The following BMP7 variants were observed in gnomAD, a reference collection of about 807,000 sequenced individuals.
BMP7 encodes osteogenic protein 1.
A neutral mutation model predicts 41.2 loss-of-function variants in BMP7; 12 were observed. The ratio of observed to expected loss-of-function variants is 0.29; its 90% CI spans 0.19 to 0.47. The LOEUF (loss-of-function observed/expected upper bound fraction) is 0.47. Among genes scored for constraint, BMP7 ranks in the 20% least tolerant of loss-of-function variants. The pLI, the probability that BMP7 is intolerant of heterozygous loss-of-function variation, is 0.99. For missense variants in BMP7, 467 were observed against 606.0 expected (o/e 0.77, Z 2.41); for synonymous variants, 248 against 250.0 (o/e 0.99, Z 0.07).
At position 57,266,203 on chromosome 20, in the gene BMP7, C is replaced by T; in HGVS notation, c.-81G>A. ...GTGGCAGAGGGGGCAGGCGGCCGTCCGCGCCGCTCGGTCACTTGCTGCAGA... is the reference window on the plus strand; with the variant it reads ...GTGGCAGAGGGGGCAGGCGGCCGTCTGCGCCGCTCGGTCACTTGCTGCAGA... On this transcript the variant is annotated 5_prime_UTR_variant, in exon 1 of 7. Transcript: ENST00000395863. 7.4e-7 allele frequency: 1 copy of T among 1,345,146 alleles called. No homozygotes were observed. The highest frequency in any genetic ancestry group is 9.6e-7 in the Non-Finnish European group (1 of 1,046,070). 83.3% of individuals were successfully genotyped at this position (1,345,146 alleles called of 1,614,324 possible).
intron 1 of BMP7, among the ~76,000 whole-genome samples, chr20:57,250,700 T>G (rs993474895): frequency 6.6e-6 from 1 of 152,022 alleles, no homozygotes; most frequent in Non-Finnish European, 1.5e-5. Context: ...TTTTTTGGAG[T>G]AGGCCAGCCC....
At chr20:57,248,956 G>A (rs923894693) in intron 1 of BMP7, among the ~76,000 whole-genome samples, 3 of 151,790 alleles carry the variant, frequency 2.0e-5, no homozygotes, top group Admixed American at 6.6e-5. Flanking sequence ...CCACCACCAC[G>A]CCCAGCTAAT....
intron 2 of BMP7, among the ~76,000 whole-genome samples, chr20:57,205,716 C>G (rs1373601731): frequency 6.6e-6 from 1 of 152,146 alleles, no homozygotes; most frequent in Admixed American, 6.6e-5. Context: ...ACCAAAGGAA[C>G]AGAGTGAGAC....
chr20:57,208,202 A>G (rs925016744), intron 2 of BMP7, among the ~76,000 whole-genome samples: 1 of 152,244 alleles, frequency 6.6e-6, no homozygotes, highest in African/African-American at 2.4e-5. Flanking sequence ...TTGATCAAGA[A>G]CATGGAAGAA....
chr20:57,191,871 ATATAT>A (rs1316004965), intron 3 of BMP7, among the ~76,000 whole-genome samples: 3 of 133,916 alleles, frequency 2.2e-5, no homozygotes, highest in African/African-American at 8.6e-5. Context: ...TACATATACT[ATATAT>A]TATATAGTAT....
In BMP7 at chr20:57,171,887, C is replaced by T. The variant is rs187116512; in HGVS notation, c.1147-779G>A. ...TCTTACACATCCATACCCTTCCCCA[C>T]CTGCTCCACCTTGAATGATTTTAAA... On this transcript the variant is annotated intron_variant, in intron 6 of 6. Coordinates refer to ENST00000395863, the MANE Select transcript of BMP7 (RefSeq NM_001719.3). The surrounding 1 kb of genome is among the most constrained non-coding windows in gnomAD (Gnocchi z 4.5). Among the ~76,000 whole-genome samples, 17 of 152,342 alleles carry T rather than the reference C, an allele frequency of 1.1e-4. No homozygotes were observed. Among genetic ancestry groups the T allele is most frequent in the Non-Finnish European group, 1.5e-5 (1 of 68,038 alleles).
Position 57,209,252 on chromosome 20 carries a change from TATATA to T in BMP7, c.612-6634_612-6630del, listed in dbSNP as rs1568715467. ...AAATACCTAGATTTATATATTTTTA[TATATA>T]TATATATATATATATATATATATAT... On this transcript the variant is annotated intron_variant, in intron 2 of 6. Transcript: ENST00000395863. 6.3e-5 allele frequency among the ~76,000 whole-genome samples: 4 copies of T among 62,996 alleles called. No homozygotes were observed. In the African/African-American group the frequency reaches 7.1e-4, roughly 11 times the overall value. 41.3% of individuals were successfully genotyped at this position (62,996 alleles called of 152,430 possible). A position where few individuals can be genotyped will look rare whatever the true frequency, so the allele number is the denominator to read the frequency against.
intron 2 of BMP7, among the ~76,000 whole-genome samples, chr20:57,216,735 G>A (rs1208083558): frequency 6.6e-6 from 1 of 152,172 alleles, no homozygotes; most frequent in Non-Finnish European, 1.5e-5. Context: ...GTGTGGGGAG[G>A]GGAAGCCTCG....
intron 3 of BMP7, among the ~76,000 whole-genome samples, chr20:57,189,405 T>G (rs1462952523): frequency 6.6e-6 from 1 of 152,182 alleles, no homozygotes; most frequent in Non-Finnish European, 1.5e-5. Context: ...TGGGGCCTCT[T>G]GTTCAAAAGT....
chr20:57,244,057 C>A (rs548754645), intron 1 of BMP7: 1 of 152,318 alleles, frequency 6.6e-6, no homozygotes, highest in East Asian at 1.9e-4. Flanking sequence ...ACTGGGCTGC[C>A]AGTTAAAGCC....
chr20:57,184,954 G>A (rs763303475), intron 3 of BMP7, among the ~76,000 whole-genome samples: 1 of 152,228 alleles, frequency 6.6e-6, no homozygotes, highest in Admixed American at 6.5e-5. Flanking sequence ...CACCCAGTGA[G>A]TGGGACTTCG....
Position 57,170,606 on chromosome 20 carries a change from G to A in BMP7, c.*353C>T. On this transcript the variant is annotated 3_prime_UTR_variant, in exon 7 of 7. Coordinates refer to ENST00000395863, the MANE Select transcript of BMP7 (RefSeq NM_001719.3). Reference sequence around the variant, plus strand: ...CTTGCCACGCCCCCTTCCTCCCACGGCTGGGTGGCCTGGCTGGTAGGCGCT... The same window carrying A: ...CTTGCCACGCCCCCTTCCTCCCACGACTGGGTGGCCTGGCTGGTAGGCGCT... 1 of 347,054 alleles carries A rather than the reference G, an allele frequency of 2.9e-6. No homozygotes were observed. Among genetic ancestry groups the A allele is most frequent in the Non-Finnish European group, 5.6e-6 (1 of 178,444 alleles). The allele number at this position is 347,054 out of a possible 1,614,324, so 21.5% of individuals were successfully genotyped here. A position where few individuals can be genotyped will look rare whatever the true frequency, so the allele number is the denominator to read the frequency against.
chr20:57,189,680 T>C (rs8119796), intron 3 of BMP7, among the ~76,000 whole-genome samples: 1,621 of 152,350 alleles, frequency 0.011, 30 homozygotes, highest in African/African-American at 0.036. Context: ...CTGGAAACAC[T>C]GAGATAGAAG....
chr20:57,185,922 T>C lies in BMP7; in HGVS notation c.761-2003A>G, dbSNP rs543752533. On this transcript the variant is annotated intron_variant, in intron 3 of 6. Transcript: ENST00000395863. ...AGCTTTGCATACCCTAAGTGCTCAA[T>C]AAATGCTAGCTCAGGGCAGAGCTTT... 5.3e-5 allele frequency among the ~76,000 whole-genome samples: 8 copies of C among 151,160 alleles called. No homozygotes were observed. The South Asian group carries it at 1.7e-3, about 32-fold the overall frequency.
intron 2 of BMP7, among the ~76,000 whole-genome samples, chr20:57,205,266 A>G (rs537894482): frequency 2.0e-5 from 3 of 152,302 alleles, no homozygotes; most frequent in African/African-American, 7.2e-5. Context: ...CCCTAAGTTT[A>G]CCTTTCACAT....
intron 1 of BMP7, among the ~76,000 whole-genome samples, chr20:57,260,588 T>G (rs545505954): frequency 2.0e-4 from 30 of 152,348 alleles, no homozygotes; most frequent in Non-Finnish European, 3.8e-4. Flanking sequence ...CGCATTTGAT[T>G]TAAACTAATT....
intron 2 of BMP7, among the ~76,000 whole-genome samples, chr20:57,208,919 C>T (rs1984806843): frequency 6.6e-6 from 1 of 152,128 alleles, no homozygotes; most frequent in Non-Finnish European, 1.5e-5. Context: ...TGTGGTGGCT[C>T]ACACCTGTAA....
At chr20:57,205,232 T>C (rs773171606) in intron 2 of BMP7, among the ~76,000 whole-genome samples, 1 of 152,238 alleles carries the variant, frequency 6.6e-6, no homozygotes, top group African/African-American at 2.4e-5. Context: ...GAAGTCTTTT[T>C]AGAGCCACAC....
intron 2 of BMP7, among the ~76,000 whole-genome samples, chr20:57,218,906 GGTGGTAGCTAGTGTTTGTTCA>G (rs1985110091): frequency 7.0e-6 from 1 of 143,854 alleles, no homozygotes; most frequent in Non-Finnish European, 1.5e-5. Flanking sequence ...GCTGGTGTTT[GGTGGTAGCTAGTGTTTGTTCA>G]GTGGTAGCTG....
Sources: gnomAD v4.1 joint callset for allele counts (sites outside exome capture counted in the v4.1 genomes callset) on GRCh38, gnomAD v4.1.1 for gene constraint, Gnocchi (gnomAD v3.1) non-coding constraint, MANE v1.5 for transcripts, NCBI Gene and HGNC (gene_info 2026-07-23, HGNC 2026-07-21) for gene names.